TAFA2: variants seen among roughly 807,000 people sequenced by gnomAD.
TAFA2 encodes TAFA chemokine like family member 2, also known as chemokine-like protein TAFA-2.
TAFA2 carries 7 observed loss-of-function variants against 18.8 expected under a neutral mutation model. That is an observed-to-expected ratio of 0.37 (90% CI 0.21 to 0.70). TAFA2 has a LOEUF of 0.70. Among genes scored for constraint, TAFA2 ranks in the 30% least tolerant of loss-of-function variants. The pLI, the probability that TAFA2 is intolerant of heterozygous loss-of-function variation, is 0.53. For missense variants in TAFA2, 122 were observed against 158.1 expected (o/e 0.77, Z 1.23); for synonymous variants, 60 against 54.2 (o/e 1.11, Z -0.47).
intron 1 of TAFA2, chr12:61,880,081 C>T (rs1055302753): frequency 1.5e-6 from 1 of 648,082 alleles, no homozygotes; most frequent in African/African-American, 1.8e-5. Context: ...GCAGCCACTC[C>T]CTGGACATGG....
chr12:61,926,752 CA>C lies in TAFA2; in HGVS notation c.-1-59327del, dbSNP rs1420820777. On this transcript the variant is annotated intron_variant, in intron 1 of 4. Transcript: ENST00000416284. ...CACAGCCAATATCATACTGAATGGG[CA>C]AAAGCTGGAAGCATTCCCTTTGAAA... 2.6e-5 allele frequency among the ~76,000 whole-genome samples: 4 copies of C among 152,164 alleles called. No individual in the cohort carries two copies. In the South Asian group the frequency reaches 6.2e-4, roughly 24 times the overall value.
chr12:61,780,033 AAG>A (rs1300959225), intron 2 of TAFA2, among the ~76,000 whole-genome samples: 2 of 151,874 alleles, frequency 1.3e-5, no homozygotes, highest in African/African-American at 2.4e-5. Context: ...ATCAGATAAC[AAG>A]AGTTATAATA....
Position 61,764,811 on chromosome 12 carries a change from G to A in TAFA2, c.107-9787C>T, listed in dbSNP as rs564961534. Among the ~76,000 whole-genome samples, 49 of 152,170 alleles carry A rather than the reference G, an allele frequency of 3.2e-4. No homozygotes were observed. The South Asian group carries it at 5.6e-3, about 17-fold the overall frequency. ...AGAAACTGAGGAGTTTATGAAATTTGTAGTTTAGATATATTTCTTATCTGT... is the reference window on the plus strand; with the variant it reads ...AGAAACTGAGGAGTTTATGAAATTTATAGTTTAGATATATTTCTTATCTGT... On this transcript the variant is annotated intron_variant, in intron 2 of 4. Coordinates refer to ENST00000416284, the MANE Select transcript of TAFA2 (RefSeq NM_178539.5).
In TAFA2 at chr12:61,940,548, G is replaced by A. The variant is rs549190835; in HGVS notation, c.-1-73122C>T. On this transcript the variant is annotated intron_variant, in intron 1 of 4. Coordinates refer to ENST00000416284, the MANE Select transcript of TAFA2 (RefSeq NM_178539.5). ...TTCCAGGTAACTCTCCAAGCACCTG[G>A]CTTTAGAGGTAACAATCACATAGAT... Among the ~76,000 whole-genome samples, 4 of 152,300 alleles carry A rather than the reference G, an allele frequency of 2.6e-5. No individual in the cohort carries two copies. In the East Asian group the frequency reaches 7.7e-4, roughly 29 times the overall value.
intron 4 of TAFA2, among the ~76,000 whole-genome samples, chr12:61,732,269 C>T (rs1461147620): frequency 1.3e-5 from 2 of 152,066 alleles, no homozygotes; most frequent in African/African-American, 2.4e-5. Context: ...GGTGTGGTGT[C>T]AGTGAAATAA....
intron 1 of TAFA2, among the ~76,000 whole-genome samples, chr12:62,172,751 C>T (rs1403797446): frequency 6.6e-6 from 1 of 152,180 alleles, no homozygotes; most frequent in African/African-American, 2.4e-5. Flanking sequence ...GCTAAAGGAA[C>T]ACGCAAAATA....
intron 1 of TAFA2, among the ~76,000 whole-genome samples, chr12:62,144,777 G>GT (rs745715549): frequency 2.6e-5 from 4 of 151,978 alleles, no homozygotes; most frequent in African/African-American, 4.8e-5. Flanking sequence ...AAGGCTGGCA[G>GT]TTTTTTTTAT....
At chr12:62,053,214 T>C (rs185504344) in intron 1 of TAFA2, among the ~76,000 whole-genome samples, 1 of 152,344 alleles carries the variant, frequency 6.6e-6, no homozygotes, top group Admixed American at 6.5e-5. Context: ...AGTAATAATT[T>C]TCCTTTCTCC....
chr12:61,919,435 T>C (rs1876957562), intron 1 of TAFA2, among the ~76,000 whole-genome samples: 1 of 152,144 alleles, frequency 6.6e-6, no homozygotes, highest in South Asian at 2.1e-4. Flanking sequence ...AGATGGAAGC[T>C]TCAGTGATTT....
intron 1 of TAFA2, among the ~76,000 whole-genome samples, chr12:62,005,877 C>G (rs1406522853): frequency 6.6e-6 from 1 of 152,094 alleles, no homozygotes; most frequent in South Asian, 2.1e-4. Context: ...AATGAAAAAA[C>G]ATGTCTGAGA....
chr12:62,031,589 G>T (rs1177407858), intron 1 of TAFA2, among the ~76,000 whole-genome samples: 1 of 152,118 alleles, frequency 6.6e-6, no homozygotes, highest in South Asian at 2.1e-4. Flanking sequence ...TGAGTTGTCT[G>T]TTTTAGGGTG....
chr12:62,231,875 T>C (rs1197757690), intron 1 of TAFA2, among the ~76,000 whole-genome samples: 1 of 152,216 alleles, frequency 6.6e-6, no homozygotes, highest in African/African-American at 2.4e-5. Flanking sequence ...ACATTATTTT[T>C]CCTTCTTTTC....
chr12:61,790,849 A>G (rs970547977), intron 2 of TAFA2, among the ~76,000 whole-genome samples: 27 of 151,868 alleles, frequency 1.8e-4, no homozygotes, highest in African/African-American at 6.5e-4. Flanking sequence ...TTATTTATAG[A>G]AATAAGAAAA....
intron 1 of TAFA2, among the ~76,000 whole-genome samples, chr12:61,915,158 C>G (rs562599099): frequency 6.6e-6 from 1 of 152,194 alleles, no homozygotes; most frequent in Non-Finnish European, 1.5e-5. Flanking sequence ...GAGACTCCAT[C>G]TCAAAATAAA....
intron 4 of TAFA2, among the ~76,000 whole-genome samples, chr12:61,743,747 A>G (rs1481889228): frequency 6.6e-6 from 1 of 151,984 alleles, no homozygotes; most frequent in African/African-American, 2.4e-5. Flanking sequence ...TCTTCACCCC[A>G]CTCTCCAGAG....
At chr12:61,780,391 T>C (rs931561606) in intron 2 of TAFA2, among the ~76,000 whole-genome samples, 4 of 151,792 alleles carry the variant, frequency 2.6e-5, no homozygotes, top group Non-Finnish European at 5.9e-5. Context: ...GACCTTAACA[T>C]GCCCCTCTGC....
chr12:62,095,672 T>C (rs1868918717), intron 1 of TAFA2, among the ~76,000 whole-genome samples: 1 of 152,128 alleles, frequency 6.6e-6, no homozygotes, highest in African/African-American at 2.4e-5. Context: ...TTTAGTAAAC[T>C]TTGAGTGAGC....
chr12:62,021,459 G>C, intron 1 of TAFA2: 1 of 430,430 alleles, frequency 2.3e-6, no homozygotes, highest in African/African-American at 2.3e-5. Flanking sequence ...AGACCCCAAA[G>C]TCCACTGCAT....
chr12:61,777,289 T>G (rs913415339), intron 2 of TAFA2, among the ~76,000 whole-genome samples: 2 of 151,894 alleles, frequency 1.3e-5, no homozygotes, highest in African/African-American at 4.8e-5. Flanking sequence ...TTTCCTCATC[T>G]GCAAATCAAG....
Sources: allele counts gnomAD v4.1 joint callset (sites outside exome capture counted in the v4.1 genomes callset), GRCh38; gene constraint gnomAD v4.1.1; transcripts MANE v1.5; gene names NCBI Gene and HGNC (gene_info 2026-07-23, HGNC 2026-07-21).